The following TMPRSS11D variants were observed in gnomAD, a reference collection of about 807,000 sequenced individuals.
TMPRSS11D encodes the protein transmembrane serine protease 11D.
Under a neutral mutation model 44.4 loss-of-function variants are expected in TMPRSS11D, and 32 were observed. The ratio of observed to expected loss-of-function variants is 0.72; its 90% CI spans 0.54 to 0.97. The LOEUF (loss-of-function observed/expected upper bound fraction) is 0.97. Among genes scored for constraint, TMPRSS11D ranks in the 50% least tolerant of loss-of-function variants. The pLI, the probability that TMPRSS11D is intolerant of heterozygous loss-of-function variation, is 0.00. For missense variants in TMPRSS11D, 446 were observed against 502.6 expected (o/e 0.89, Z 1.08); for synonymous variants, 179 against 177.9 (o/e 1.01, Z -0.05).
intron 2 of TMPRSS11D, among the ~76,000 whole-genome samples, chr4:67,858,626 A>G (rs115242554): frequency 0.016 from 2,395 of 152,234 alleles, 56 homozygotes; most frequent in African/African-American, 0.049. Context: ...TGGACATACT[A>G]TAAGTTATAT....
chr4:67,835,178 A>G (rs941258597), intron 5 of TMPRSS11D, 57 bp from the exon 6 acceptor site: 1 of 1,495,616 alleles, frequency 6.7e-7, no homozygotes, highest in African/African-American at 1.4e-5. Flanking sequence ...TCATTTCACC[A>G]TAATTTCTTA....
At chr4:67,834,583 A>G (rs1718028840) in intron 6 of TMPRSS11D, among the ~76,000 whole-genome samples, 1 of 152,150 alleles carries the variant, frequency 6.6e-6, no homozygotes, top group South Asian at 2.1e-4. Flanking sequence ...CTGAGAGTAC[A>G]TAGGATGATG....
intron 1 of TMPRSS11D, among the ~76,000 whole-genome samples, chr4:67,868,912 A>G (rs919984731): frequency 6.6e-6 from 1 of 152,308 alleles, no homozygotes; most frequent in Admixed American, 6.5e-5. Flanking sequence ...TGTGTGGAAA[A>G]GAAAGGTTTG....
At chr4:67,879,349 T>C (rs923209714) in intron 1 of TMPRSS11D, among the ~76,000 whole-genome samples, 9 of 151,018 alleles carry the variant, frequency 6.0e-5, no homozygotes, top group African/African-American at 2.2e-4. Flanking sequence ...GGCGCAGTGG[T>C]AGGCGCCTGT....
intron 4 of TMPRSS11D, among the ~76,000 whole-genome samples, chr4:67,839,717 AT>A (rs1718184541): frequency 6.6e-6 from 1 of 152,160 alleles, no homozygotes; most frequent in Non-Finnish European, 1.5e-5. Context: ...CCAGCTTTAA[AT>A]TAAGAAAAAA....
chr4:67,829,834 T>C (rs948999148), intron 7 of TMPRSS11D, among the ~76,000 whole-genome samples: 21 of 151,986 alleles, frequency 1.4e-4, no homozygotes, highest in African/African-American at 4.3e-4. Flanking sequence ...ATTTAAAAGA[T>C]TGATAAAACT....
intron 1 of TMPRSS11D, among the ~76,000 whole-genome samples, chr4:67,860,889 C>G (rs1394746180): frequency 2.6e-5 from 4 of 152,116 alleles, no homozygotes; most frequent in Admixed American, 6.6e-5. Context: ...ACTCAACTCA[C>G]AAGCCTATAA....
chr4:67,852,747 A>G (rs894655796), intron 3 of TMPRSS11D, among the ~76,000 whole-genome samples: 14 of 152,172 alleles, frequency 9.2e-5, no homozygotes, highest in Admixed American at 3.3e-4. Flanking sequence ...ACTGGGGGAA[A>G]TAAGTTCATT....
rs1560535744 is a variant in TMPRSS11D, at chr4:67,825,652, T to C, written c.1095+80A>G. ...CTGTGTATTGTAACTGTTACACTTA[T>C]GTCTATCACATTATCACATACTAGG... On this transcript the variant is annotated intron_variant, in intron 9 of 9. Coordinates refer to ENST00000283916, the MANE Select transcript of TMPRSS11D (RefSeq NM_004262.3). 3.4e-6 allele frequency: 5 copies of C among 1,470,592 alleles called. No homozygotes were observed. In the East Asian group the frequency reaches 9.5e-5, roughly 28 times the overall value. 91.1% of individuals were successfully genotyped at this position (1,470,592 alleles called of 1,614,324 possible).
intron 1 of TMPRSS11D, among the ~76,000 whole-genome samples, chr4:67,870,379 A>G (rs754633994): frequency 2.0e-5 from 3 of 151,690 alleles, no homozygotes; most frequent in Middle Eastern, 3.2e-3. Context: ...GGCCCTCTCT[A>G]CCTCTGGGAC....
intron 1 of TMPRSS11D, among the ~76,000 whole-genome samples, chr4:67,876,588 C>T (rs1719195795): frequency 6.6e-6 from 1 of 152,152 alleles, no homozygotes; most frequent in Non-Finnish European, 1.5e-5. Flanking sequence ...AAAATATCCA[C>T]TCTGACTTTG....
chr4:67,844,865 C>T (rs1905986), intron 3 of TMPRSS11D, among the ~76,000 whole-genome samples: 2 of 152,024 alleles, frequency 1.3e-5, no homozygotes, highest in African/African-American at 4.8e-5. Context: ...GATAAAGTAA[C>T]TTCTAGTAAT....
At chr4:67,873,111 G>C (rs1487722147) in intron 1 of TMPRSS11D, among the ~76,000 whole-genome samples, 2 of 152,258 alleles carry the variant, frequency 1.3e-5, no homozygotes, top group East Asian at 3.9e-4. Flanking sequence ...TTAACCTCAA[G>C]ATGCCAAATG....
intron 2 of TMPRSS11D, among the ~76,000 whole-genome samples, chr4:67,858,965 A>T (rs1488782795): frequency 6.6e-6 from 1 of 152,142 alleles, no homozygotes; most frequent in East Asian, 1.9e-4. Context: ...AAACAAAACA[A>T]AAGAGACAAC....
intron 3 of TMPRSS11D, among the ~76,000 whole-genome samples, chr4:67,843,119 T>C (rs1305997748): frequency 2.0e-5 from 3 of 151,476 alleles, no homozygotes; most frequent in Non-Finnish European, 4.4e-5. Flanking sequence ...TTTTTTTTTT[T>C]TTTTTGGTCA....
At chr4:67,841,458 T>G (rs994693099) in intron 4 of TMPRSS11D, among the ~76,000 whole-genome samples, 4 of 152,124 alleles carry the variant, frequency 2.6e-5, no homozygotes, top group African/African-American at 7.2e-5. Context: ...TGTTGAAAGG[T>G]CCAAGAATAG....
chr4:67,854,245 T>G (rs1718580177), intron 2 of TMPRSS11D, 59 bp from the exon 3 acceptor site: 14 of 921,400 alleles, frequency 1.5e-5, no homozygotes, highest in Non-Finnish European at 2.3e-5. Context: ...GAACCTTTAA[T>G]TTATTCAGGA....
intron 3 of TMPRSS11D, among the ~76,000 whole-genome samples, chr4:67,850,358 A>C (rs1652214169): frequency 6.6e-6 from 1 of 152,176 alleles, no homozygotes; most frequent in African/African-American, 2.4e-5. Context: ...GTGAGAAATA[A>C]ATTTTTGTCG....
At chr4:67,851,239 G>A (rs966750128) in intron 3 of TMPRSS11D, among the ~76,000 whole-genome samples, 2 of 152,200 alleles carry the variant, frequency 1.3e-5, no homozygotes, top group Non-Finnish European at 2.9e-5. Context: ...GGTGGGTCCA[G>A]AGTCACAGAT....
Sources: gnomAD v4.1 joint callset for allele counts (sites outside exome capture counted in the v4.1 genomes callset) on GRCh38, gnomAD v4.1.1 for gene constraint, MANE v1.5 for transcripts, NCBI Gene and HGNC (gene_info 2026-07-23, HGNC 2026-07-21) for gene names.